The following ZDHHC5 variants were observed in gnomAD, a reference collection of about 807,000 sequenced individuals.
The protein encoded by ZDHHC5 is palmitoyltransferase ZDHHC5.
Under a neutral mutation model 70.0 loss-of-function variants are expected in ZDHHC5, and 22 were observed. The observed-to-expected ratio is 0.31, with a 90% CI of 0.22 to 0.45. The LOEUF is 0.45. ZDHHC5 is among the 20% of genes least tolerant of loss of function. The probability of loss-of-function intolerance (pLI) is 1.00; values close to 1 mark genes in which losing one functional copy is unlikely to be tolerated. For missense variants in ZDHHC5, 746 were observed against 926.9 expected (o/e 0.80, Z 2.53); for synonymous variants, 313 against 347.8 (o/e 0.90, Z 1.11).
intron 4 of ZDHHC5, among the ~76,000 whole-genome samples, 176 bp from the exon 5 acceptor site, chr11:57,689,855 G>C (rs752891096): frequency 6.6e-6 from 1 of 152,050 alleles, no homozygotes; most frequent in Non-Finnish European, 1.5e-5. Flanking sequence ...CTTGGCCTTT[G>C]ACCAACCTCT....
chr11:57,690,283 C>T (rs1049887476), intron 5 of ZDHHC5, 52 bp from the exon 6 acceptor site: 7 of 1,613,490 alleles, frequency 4.3e-6, no homozygotes, highest in African/African-American at 1.3e-5. Context: ...GCAGTAGGGG[C>T]CGGGGAAAGT....
Position 57,690,512 on chromosome 11 carries a change from A to G in ZDHHC5, c.660+75A>G, listed in dbSNP as rs1034827327. On this transcript the variant is annotated intron_variant, in intron 6 of 11. Coordinates refer to ENST00000287169, the MANE Select transcript of ZDHHC5 (RefSeq NM_015457.3). ...TAGCCTTCTGATTAGTGTGCAGTGT[A>G]GTGCTTCCACAAAGAGATGCTTAAT... The G allele has an allele frequency of 3.6e-5, 53 of 1,462,382 alleles. No homozygotes were observed. The South Asian group carries it at 5.8e-4, about 16-fold the overall frequency. The allele number at this position is 1,462,382 out of a possible 1,614,324, so 90.6% of individuals were successfully genotyped here. A position where few individuals can be genotyped will look rare whatever the true frequency, so the allele number is the denominator to read the frequency against.
At chr11:57,669,566 C>T (rs1219194574) in intron 1 of ZDHHC5, among the ~76,000 whole-genome samples, 1 of 152,186 alleles carries the variant, frequency 6.6e-6, no homozygotes, top group Non-Finnish European at 1.5e-5. Context: ...AAGCGATTCT[C>T]GTGTCTCAGC....
In ZDHHC5 at chr11:57,685,598, G is replaced by A. The variant is rs1018078896; in HGVS notation, c.227-2910G>A. 2.6e-5 allele frequency among the ~76,000 whole-genome samples: 4 copies of A among 152,152 alleles called. 1 individual carries two copies. The highest frequency in any genetic ancestry group is 1.9e-4 in the East Asian group (1 of 5,190). On this transcript the variant is annotated intron_variant, in intron 3 of 11. Coordinates refer to ENST00000287169, the MANE Select transcript of ZDHHC5 (RefSeq NM_015457.3). ...TGGGAGGTGGAGGTTGTGATGAGCC[G>A]AGATTGCCCCATTGCACTCTAGCCT...
intron 1 of ZDHHC5, among the ~76,000 whole-genome samples, chr11:57,669,807 T>C (rs1945980514): frequency 6.6e-6 from 1 of 152,244 alleles, no homozygotes. Flanking sequence ...GGATTCAAAC[T>C]GTTGACTCTG....
rs1220668829 is a variant in ZDHHC5 at position 57,673,015 on chromosome 11, C to T, written c.-76C>T. 2 of 1,394,462 alleles carry T rather than the reference C, an allele frequency of 1.4e-6. No homozygotes were observed. Among genetic ancestry groups the T allele is most frequent in the African/African-American group, 2.8e-5 (2 of 70,284 alleles). 86.4% of individuals were successfully genotyped at this position (1,394,462 alleles called of 1,614,324 possible). ...TACTCCTCTCTGTTGCTTCCCTCCTCCCATTTTCTTGTCTGTTCTGCCGCT... is the reference window on the plus strand; with the variant it reads ...TACTCCTCTCTGTTGCTTCCCTCCTTCCATTTTCTTGTCTGTTCTGCCGCT... On this transcript the variant is annotated 5_prime_UTR_variant, in exon 2 of 12. Coordinates refer to ENST00000287169, the MANE Select transcript of ZDHHC5 (RefSeq NM_015457.3).
intron 3 of ZDHHC5, among the ~76,000 whole-genome samples, chr11:57,685,388 C>T (rs504311): frequency 0.28 from 41,696 of 151,614 alleles, 6,803 homozygotes; most frequent in East Asian, 0.79. Flanking sequence ...TGGTGGCTTA[C>T]GCCTGTAATC....
In ZDHHC5 at chr11:57,692,842, T is replaced by C; in HGVS notation, c.752+140T>C. The C allele has an allele frequency of 2.3e-5, 18 of 789,220 alleles. No homozygotes were observed. The South Asian group carries it at 3.3e-4, about 14-fold the overall frequency. 48.9% of individuals were successfully genotyped at this position (789,220 alleles called of 1,614,324 possible). Reference sequence around the variant, plus strand: ...TAGAATGTTAAGTACCCACTCTATCTTAGAATGGTAAGTAGTCTATCTTAG... The same window carrying C: ...TAGAATGTTAAGTACCCACTCTATCCTAGAATGGTAAGTAGTCTATCTTAG... On this transcript the variant is annotated intron_variant, in intron 7 of 11. Transcript: ENST00000287169.
intron 8 of ZDHHC5, among the ~76,000 whole-genome samples, chr11:57,695,612 A>AC (rs1263194960): frequency 1.3e-5 from 2 of 151,000 alleles, no homozygotes; most frequent in African/African-American, 2.4e-5. Flanking sequence ...ACATGGCGAG[A>AC]CCCCCATCTC....
At chr11:57,678,122 G>A (rs919349368) in intron 2 of ZDHHC5, among the ~76,000 whole-genome samples, 1 of 152,202 alleles carries the variant, frequency 6.6e-6, no homozygotes, top group Non-Finnish European at 1.5e-5. Flanking sequence ...CTAGGCATGG[G>A]CAGAATGCAT....
chr11:57,686,333 A>AGACAGAGTCTCACTCTCTGTTGC (rs1157363014), intron 3 of ZDHHC5, among the ~76,000 whole-genome samples: 2 of 150,926 alleles, frequency 1.3e-5, no homozygotes, highest in Non-Finnish European at 3.0e-5. Context: ...TTTTTTTTTG[A>AGACAGAGTCTCACTCTCTGTTGC]GACAGAGTCT....
chr11:57,690,013 G>A lies in ZDHHC5; in HGVS notation c.385-18G>A, dbSNP rs1261770865. On this transcript the variant is annotated intron_variant, in intron 4 of 11. Transcript: ENST00000287169. ...TATGGTCCAGGGATGCCTCTCATCT[G>A]TCTCTCTTTGTCCCTAGGAATTTGA... 2.5e-6 allele frequency: 4 copies of A among 1,613,164 alleles called. No individual in the cohort carries two copies. In the South Asian group the frequency reaches 4.4e-5, roughly 18 times the overall value.
At chr11:57,673,291 T>A in intron 2 of ZDHHC5, 97 bp downstream of exon 2, 1 of 1,182,376 alleles carries the variant, frequency 8.5e-7, no homozygotes, top group Non-Finnish European at 1.2e-6. Context: ...GCCAAGTGAC[T>A]GAGAGGGCTC....
At chr11:57,687,352 C>T (rs1946220275) in intron 3 of ZDHHC5, among the ~76,000 whole-genome samples, 1 of 151,670 alleles carries the variant, frequency 6.6e-6, no homozygotes, top group Admixed American at 6.6e-5. Context: ...AGGTGGATTG[C>T]CTGAGCTCAG....
At position 57,690,147 on chromosome 11, in the gene ZDHHC5, C is replaced by A; in HGVS notation, c.501C>A (p.Gly167=). 6.2e-7 allele frequency: 1 copy of A among 1,614,082 alleles called. No individual in the cohort carries two copies. Among genetic ancestry groups the A allele is most frequent in the East Asian group, 2.2e-5 (1 of 44,876 alleles). ...ACATTATGGGTGTGTTTGGCTTTGG[C>A]CTCCTTTATGTCCTCTACCACATAG... The part of the protein sequence containing the change: ...TAHIMGVFGF[G]LLYVLYHIEE... Residue 167 remains glycine, a synonymous_variant, in exon 5 of 12, where the codon GGC becomes GGA. Coordinates refer to ENST00000287169, the MANE Select transcript of ZDHHC5 (RefSeq NM_015457.3).
intron 6 of ZDHHC5, among the ~76,000 whole-genome samples, 172 bp from the exon 7 acceptor site, chr11:57,692,439 C>T (rs1164212754): frequency 3.3e-5 from 5 of 152,206 alleles, no homozygotes; most frequent in African/African-American, 7.2e-5. Flanking sequence ...GAACTAAGGA[C>T]CCTGACTGTA....
At chr11:57,670,139 A>G (rs1465024377) in intron 1 of ZDHHC5, among the ~76,000 whole-genome samples, 3 of 152,334 alleles carry the variant, frequency 2.0e-5, no homozygotes, top group African/African-American at 7.2e-5. Context: ...ATAATTTTCC[A>G]TCTTTTCTAG....
In ZDHHC5 at chr11:57,672,225, T is replaced by C; in HGVS notation, c.-866T>C. ...GAACATGGCTTCAAGGATTTTAAGT[T>C]TCCCTTTAGTTTTACATGAACTTTG... On this transcript the variant is annotated 5_prime_UTR_variant, in exon 2 of 12. Transcript: ENST00000287169. The C allele has an allele frequency of 2.5e-6, 1 of 398,624 alleles. No homozygotes were observed. The highest frequency in any genetic ancestry group is 4.4e-6 in the Non-Finnish European group (1 of 226,052). 24.7% of individuals were successfully genotyped at this position (398,624 alleles called of 1,614,324 possible). A position where few individuals can be genotyped will look rare whatever the true frequency, so the allele number is the denominator to read the frequency against.
In ZDHHC5 at chr11:57,695,956, G is replaced by A; in HGVS notation, c.922G>A (p.Ala308Thr). The A allele has an allele frequency of 6.2e-7, 1 of 1,614,112 alleles. No homozygotes were observed. The highest frequency in any genetic ancestry group is 8.5e-7 in the Non-Finnish European group (1 of 1,180,006). Residue 308 changes from alanine (A) to threonine (T), a missense_variant, in exon 9 of 12, where the codon GCA becomes ACA. By Grantham distance (58) the Ala-to-Thr change is moderately conservative. This residue lies in a region of ZDHHC5 where 179 missense variants were observed against 178.4 expected (regional missense o/e 1.00). Transcript: ENST00000287169. ...GSLEITESQS[A>T]DAEPPPPPKP... ...CCTGGAGATAACAGAGAGCCAGTCT[G>A]CAGATGCTGAACCTCCACCTCCTCC...
Sources: allele counts gnomAD v4.1 joint callset (sites outside exome capture counted in the v4.1 genomes callset), GRCh38; gene constraint gnomAD v4.1.1; regional missense constraint gnomAD v4.1.1; transcripts MANE v1.5; gene names NCBI Gene and HGNC (gene_info 2026-07-23, HGNC 2026-07-21).